Variants in N4BP2L1 observed in about 807,000 individuals in gnomAD.
N4BP2L1 encodes NEDD4 binding protein 2 like 1, also known as NEDD4-binding protein 2-like 1.
N4BP2L1 carries 12 observed loss-of-function variants against 21.2 expected under a neutral mutation model. The observed-to-expected ratio is 0.57, with a 90% confidence interval of 0.36 to 0.92. The LOEUF is 0.92. Ranked by LOEUF, N4BP2L1 falls within the 40% of genes least tolerant of loss-of-function variation. The pLI is 0.01. For synonymous variants in N4BP2L1, 104 were observed against 112.8 expected, an observed-to-expected ratio of 0.92 and a Z score of 0.49; for missense variants, 259 against 310.6, an observed-to-expected ratio of 0.83 and a Z score of 1.25.
intron 1 of N4BP2L1, among the ~76,000 whole-genome samples, chr13:32,427,483 C>G (rs1311458062): frequency 1.3e-5 from 2 of 152,222 alleles, no homozygotes; most frequent in African/African-American, 2.4e-5. Flanking sequence ...GAAGAAGAGT[C>G]CCTCCCGACC....
chr13:32,407,070 A>G, intron 3 of N4BP2L1, 180 bp downstream of exon 3: 1 of 619,760 alleles, frequency 1.6e-6, no homozygotes, highest in Non-Finnish European at 2.8e-6. Flanking sequence ...GCATCTCAGC[A>G]AACTTCAGCC....
At chr13:32,410,157 C>A (rs2073768531) in intron 1 of N4BP2L1, among the ~76,000 whole-genome samples, 1 of 152,226 alleles carries the variant, frequency 6.6e-6, no homozygotes, top group Non-Finnish European at 1.5e-5. Context: ...GGCCGATCTG[C>A]GGGCCTTGCC....
rs1278035446 is a variant in N4BP2L1, at chr13:32,402,949, C to T, written c.725G>A (p.Gly242Glu). 2 of 1,599,474 alleles carry T rather than the reference C, an allele frequency of 1.3e-6. No individual in the cohort carries two copies. Among genetic ancestry groups the T allele is most frequent in the African/African-American group, 1.3e-5 (1 of 74,476 alleles). Residue 242 changes from glycine to glutamate, a missense_variant, in exon 5 of 5, where the codon GGA (glycine) becomes GAA (glutamate). Physicochemically the swap from Gly to Glu is moderately conservative, Grantham distance 98. This residue lies in a region of N4BP2L1 where 108 missense variants were observed against 107.8 expected (regional missense o/e 1.00). Transcript: ENST00000380130. ...TGGCTGTAAGATAGGCCTCTAATATCCATGGTGACAACCGCCCCTTCTGTG... is the reference window on the plus strand; with the variant it reads ...TGGCTGTAAGATAGGCCTCTAATATTCATGGTGACAACCGCCCCTTCTGTG... ...SYHRRGGCHH[G>E]Y is the part of the protein sequence containing the mutation.
chr13:32,407,390 G>A (rs766908813), intron 2 of N4BP2L1, 52 bp from the exon 3 acceptor site: 1 of 1,613,536 alleles, frequency 6.2e-7, no homozygotes, highest in Non-Finnish European at 8.5e-7. Flanking sequence ...TCAGAGGGAA[G>A]GTGAGCGTAA....
intron 1 of N4BP2L1, among the ~76,000 whole-genome samples, chr13:32,414,046 T>C (rs994478142): frequency 6.6e-6 from 1 of 152,034 alleles, no homozygotes; most frequent in East Asian, 1.9e-4. Flanking sequence ...CATGCCCAGC[T>C]AATTTTTGTA....
At chr13:32,429,053 T>C (rs1004321470), upstream of N4BP2L1, among the ~76,000 whole-genome samples, 3 of 152,246 alleles carry the variant, frequency 2.0e-5, no homozygotes, top group Non-Finnish European at 4.4e-5. Flanking sequence ...TCCTGGGAAA[T>C]GCAGAATATA....
In N4BP2L1 at chr13:32,407,893, G is replaced by GTTGT. The variant is rs1236505241; in HGVS notation, c.180-125_180-122dup. 6 of 1,171,194 alleles carry GTTGT rather than the reference G, an allele frequency of 5.1e-6. No individual in the cohort carries two copies. In the East Asian group the frequency reaches 1.5e-4, roughly 28 times the overall value. 72.6% of individuals were successfully genotyped at this position (1,171,194 alleles called of 1,614,324 possible). A position where few individuals can be genotyped will look rare whatever the true frequency, so the allele number is the denominator to read the frequency against. ...TAATTCTGAGACCACCAGGTTTGGA[G>GTTGT]TTGTTAAAATGCAGTTTCAAAAGAG... On this transcript the variant is annotated intron_variant, in intron 1 of 4. Transcript: ENST00000380130.
chr13:32,405,192 A>C (rs1223486505), intron 3 of N4BP2L1, among the ~76,000 whole-genome samples: 1 of 152,174 alleles, frequency 6.6e-6, no homozygotes, highest in East Asian at 1.9e-4. Flanking sequence ...TGGCTGAAAA[A>C]GATTATACAT....
At chr13:32,424,419 C>T (rs889984194) in intron 1 of N4BP2L1, among the ~76,000 whole-genome samples, 1 of 152,230 alleles carries the variant, frequency 6.6e-6, no homozygotes, top group African/African-American at 2.4e-5. Flanking sequence ...CCACCAACAG[C>T]ATTTGAGATG....
At chr13:32,428,333 C>A, upstream of N4BP2L1, 1 of 345,864 alleles carries the variant, frequency 2.9e-6, no homozygotes, top group Non-Finnish European at 5.2e-6. Context: ...ACCTCGACCC[C>A]CGCTCCGCCT....
chr13:32,409,613 C>T (rs888635247), intron 1 of N4BP2L1, among the ~76,000 whole-genome samples: 7 of 152,202 alleles, frequency 4.6e-5, no homozygotes, highest in African/African-American at 1.7e-4. Context: ...AGGAGTCAGA[C>T]CTGGCACAGC....
chr13:32,407,909 T>G, intron 1 of N4BP2L1, 137 bp from the exon 2 acceptor site: 1 of 964,180 alleles, frequency 1.0e-6, no homozygotes, highest in Non-Finnish European at 1.5e-6. Flanking sequence ...AAAATGCAGT[T>G]TCAAAAGAGA....
chr13:32,429,296 G>A (rs944133605), upstream of N4BP2L1, among the ~76,000 whole-genome samples: 11 of 152,206 alleles, frequency 7.2e-5, no homozygotes, highest in Non-Finnish European at 1.6e-4. Context: ...GGCGGAGTGG[G>A]AGATGAGCTG....
At chr13:32,416,108 T>C (rs1208536039) in intron 1 of N4BP2L1, 1 of 152,256 alleles carries the variant, frequency 6.6e-6, no homozygotes, top group Non-Finnish European at 1.5e-5. Context: ...TAGATCTATT[T>C]ATGTTGATAT....
At chr13:32,415,937 G>C (rs2074113634) in intron 1 of N4BP2L1, 1 of 152,130 alleles carries the variant, frequency 6.6e-6, no homozygotes, top group African/African-American at 2.4e-5. Flanking sequence ...GGTTTCCTTA[G>C]AGGTTATATC....
intron 3 of N4BP2L1, among the ~76,000 whole-genome samples, chr13:32,405,892 C>CCTTTTTTTTTTTTTTTTTTTTTTT (rs2073452557): frequency 9.9e-6 from 1 of 101,192 alleles, no homozygotes. Flanking sequence ...TTCCTGCCCC[C>CCTTTTTTTTTTTTTTTTTTTTTTT]TTTTTTTTTT....
chr13:32,426,741 C>T (rs534059797), intron 1 of N4BP2L1, among the ~76,000 whole-genome samples: 1 of 152,298 alleles, frequency 6.6e-6, no homozygotes, highest in African/African-American at 2.4e-5. Context: ...ACTTCCTCTA[C>T]TGAACAGCTA....
At chr13:32,403,395 C>A (rs1207953) in intron 4 of N4BP2L1, among the ~76,000 whole-genome samples, 195 bp from the exon 5 acceptor site, 2 of 151,958 alleles carry the variant, frequency 1.3e-5, no homozygotes, top group Non-Finnish European at 2.9e-5. Flanking sequence ...CTGCACACCC[C>A]CAAACCACCC....
chr13:32,424,442 G>A (rs1380308855), intron 1 of N4BP2L1, among the ~76,000 whole-genome samples: 2 of 152,194 alleles, frequency 1.3e-5, no homozygotes, highest in South Asian at 4.1e-4. Context: ...ACTCCCCACT[G>A]GCCCTTACCC....
Sources: allele counts gnomAD v4.1 joint callset (sites outside exome capture counted in the v4.1 genomes callset), GRCh38; gene constraint gnomAD v4.1.1; regional missense constraint gnomAD v4.1.1; transcripts MANE v1.5; gene names NCBI Gene and HGNC (gene_info 2026-07-23, HGNC 2026-07-21).